SPTB: variants seen among roughly 807,000 people sequenced by gnomAD.
SPTB encodes the protein spectrin beta, erythrocytic, also known as spectrin beta chain, erythrocytic.
SPTB carries 45 observed loss-of-function variants against 256.2 expected under a neutral mutation model. That is an observed-to-expected ratio of 0.18 (90% CI 0.14 to 0.23). SPTB has a LOEUF of 0.23. SPTB is among the 10% of genes least tolerant of loss of function. The pLI is 1.00. For synonymous variants in SPTB, 1,231 were observed against 1,243.1 expected (o/e 0.99, Z 0.21); for missense variants, 2,715 against 3,040.4 (o/e 0.89, Z 2.52).
chr14:64,782,952 T>G (rs1262804909), intron 19 of SPTB, among the ~76,000 whole-genome samples: 1 of 151,664 alleles, frequency 6.6e-6, no homozygotes, highest in African/African-American at 2.4e-5. Context: ...CTGGGGGCAA[T>G]GACTCAGGGA....
Position 64,793,192 on chromosome 14 carries a change from T to G in SPTB, c.2471A>C (p.Gln824Pro). The G allele has an allele frequency of 1.2e-6, 2 of 1,613,230 alleles. No homozygotes were observed. Among genetic ancestry groups the G allele is most frequent in the East Asian group, 4.5e-5 (2 of 44,882 alleles). Residue 824 changes from glutamine to proline, a missense_variant, in exon 14 of 36, where the codon CAG (glutamine) becomes CCG (proline). Gln to Pro is a moderately conservative substitution (Grantham distance 76). Around this residue, in one of 4 missense-constraint regions of SPTB, gnomAD observed 2,239 missense variants for 2,384.4 expected, o/e 0.94. Transcript: ENST00000644917. The surrounding 1 kb of genome is among the most constrained non-coding windows in gnomAD (Gnocchi z 7.0). Reference sequence around the variant, plus strand: ...CTGTTGGTAGAGCTCCCGCAGGGCCTGCAGCCGATGGGTCACATCTGGGGA... The same window carrying G: ...CTGTTGGTAGAGCTCCCGCAGGGCCGGCAGCCGATGGGTCACATCTGGGGA... ...RDSPDVTHRL[Q>P]ALRELYQQVV...
In SPTB at chr14:64,827,105, G is replaced by A. The variant is rs1257679978; in HGVS notation, c.-51-3960C>T. On this transcript the variant is annotated intron_variant, in intron 1 of 35. Transcript: ENST00000644917. The surrounding 1 kb of genome is among the most constrained non-coding windows in gnomAD (Gnocchi z 4.6). Reference sequence around the variant, plus strand: ...GTTAAGAACTGAGAAAGCAGTGGTAGCAGCTCCTCTCCCAGCCTGCAGGGT... The same window carrying A: ...GTTAAGAACTGAGAAAGCAGTGGTAACAGCTCCTCTCCCAGCCTGCAGGGT... Among the ~76,000 whole-genome samples the A allele has an allele frequency of 6.6e-6, 1 of 152,158 alleles. No individual in the cohort carries two copies. Among genetic ancestry groups the A allele is most frequent in the Non-Finnish European group, 1.5e-5 (1 of 68,016 alleles).
chr14:64,845,397 C>T lies in SPTB; in HGVS notation c.-51-22252G>A, dbSNP rs562522568. ...GCTGTGTGGCACAAGTGGCTGTGTG[C>T]CTTTGGAAACTATAAGCCTATTTAC... On this transcript the variant is annotated intron_variant, in intron 1 of 35. Coordinates refer to ENST00000644917, the MANE Select transcript of SPTB (RefSeq NM_001355436.2). This position sits in a 1 kb window ranked among gnomAD's most constrained non-coding sequence, Gnocchi z 4.8. Among the ~76,000 whole-genome samples, 12 of 152,298 alleles carry T rather than the reference C, an allele frequency of 7.9e-5. No individual in the cohort carries two copies. In the South Asian group the frequency reaches 1.2e-3, roughly 16 times the overall value.
At chr14:64,878,688 G>A (rs1223474371) in intron 1 of SPTB, among the ~76,000 whole-genome samples, 1 of 152,070 alleles carries the variant, frequency 6.6e-6, no homozygotes, top group Non-Finnish European at 1.5e-5. Flanking sequence ...TCCAGGCAGG[G>A]GTTTTGCATG....
chr14:64,865,375 AT>A (rs1882110050), intron 1 of SPTB, among the ~76,000 whole-genome samples: 1 of 151,900 alleles, frequency 6.6e-6, no homozygotes, highest in African/African-American at 2.4e-5. Context: ...GCAGGGTGAG[AT>A]GTAAAGTGAC....
intron 2 of SPTB, among the ~76,000 whole-genome samples, chr14:64,809,996 G>GA (rs1196477472): frequency 2.6e-5 from 4 of 151,912 alleles, no homozygotes; most frequent in Non-Finnish European, 5.9e-5. Context: ...GAATTTGTGG[G>GA]AAAAAAGACA....
At chr14:64,794,357 T>C (rs1033507002) in intron 13 of SPTB, 110 bp downstream of exon 13, 70 of 1,428,786 alleles carry the variant, frequency 4.9e-5, no homozygotes, top group Non-Finnish European at 6.2e-5. Context: ...TTGATGAAAG[T>C]AACAGAACTT....
chr14:64,774,638 G>T (rs2082330497), intron 23 of SPTB, 111 bp from the exon 24 acceptor site: 1 of 1,471,082 alleles, frequency 6.8e-7, no homozygotes, highest in Non-Finnish European at 9.2e-7. Context: ...GAGTAGGCTT[G>T]TGGGACACCC....
chr14:64,784,499 G>T (rs1471919373), intron 18 of SPTB, 106 bp from the exon 19 acceptor site: 1 of 1,451,628 alleles, frequency 6.9e-7, no homozygotes. Context: ...TGGGGAGGAA[G>T]TGCAAGCACA....
chr14:64,795,425 G>A lies in SPTB; in HGVS notation c.1556C>T (p.Ser519Phe). 3 of 1,614,202 alleles carry A rather than the reference G, an allele frequency of 1.9e-6. No individual in the cohort carries two copies. Among genetic ancestry groups the A allele is most frequent in the Non-Finnish European group, 2.5e-6 (3 of 1,180,038 alleles). ...GGTGGTCTCGAGCCTCTGGCGCCGG[G>A]ACTGCAGCAGCTCCTGCAGGTAGCT... ...LWSYLQELLQ[S>F]RRQRLETTLA... The change falls in exon 12 of 36, where the codon TCC becomes TTC. Residue 519 changes from serine to phenylalanine, a missense_variant. Physicochemically the swap from Ser to Phe is radical, Grantham distance 155. This residue lies in a region of SPTB where 2,239 missense variants were observed against 2,384.4 expected (regional missense o/e 0.94). Coordinates refer to ENST00000644917, the MANE Select transcript of SPTB (RefSeq NM_001355436.2). The surrounding 1 kb of genome is among the most constrained non-coding windows in gnomAD (Gnocchi z 6.5).
intron 32 of SPTB, chr14:64,756,101 G>A (rs1282965074): frequency 1.3e-5 from 2 of 152,222 alleles, no homozygotes; most frequent in African/African-American, 4.8e-5. Context: ...AACCTAAATA[G>A]AGTGTGACCT....
chr14:64,790,171 G>A lies in SPTB; in HGVS notation c.2804+1548C>T, dbSNP rs984765439. On this transcript the variant is annotated intron_variant, in intron 15 of 35. Transcript: ENST00000644917. This position sits in a 1 kb window ranked among gnomAD's most constrained non-coding sequence, Gnocchi z 4.8. ...TTCCCCATCACTGGCTAGACTGGGTGACTTCTCAGGTTCCTTTCAACTCTC... is the reference window on the plus strand; with the variant it reads ...TTCCCCATCACTGGCTAGACTGGGTAACTTCTCAGGTTCCTTTCAACTCTC... Among the ~76,000 whole-genome samples, 1 of 152,142 alleles carries A rather than the reference G, an allele frequency of 6.6e-6. No individual in the cohort carries two copies. The highest frequency in any genetic ancestry group is 1.9e-4 in the East Asian group (1 of 5,190).
chr14:64,766,894 G>A, intron 31 of SPTB, 93 bp from the exon 32 acceptor site: 2 of 1,501,780 alleles, frequency 1.3e-6, no homozygotes, highest in East Asian at 2.3e-5. Flanking sequence ...CCCACAGGGA[G>A]GAGCACCAAA....
Position 64,793,119 on chromosome 14 carries a change from C to G in SPTB, c.2544G>C (p.Leu848=). 1 of 1,614,152 alleles carries G rather than the reference C, an allele frequency of 6.2e-7. No homozygotes were observed. The highest frequency in any genetic ancestry group is 8.5e-7 in the Non-Finnish European group (1 of 1,180,050). ...TCTCCCCGAACACCGTGTACAGGTC[C>G]AGGGCTTCCTGCAGCCTCTGCTGAC... The part of the protein sequence containing the change: ...DLRQQRLQEA[L]DLYTVFGETD... The change falls in exon 14 of 36, where the codon CTG becomes CTC. Residue 848 remains leucine (L), a synonymous_variant. Coordinates refer to ENST00000644917, the MANE Select transcript of SPTB (RefSeq NM_001355436.2). This position sits in a 1 kb window ranked among gnomAD's most constrained non-coding sequence, Gnocchi z 7.0.
chr14:64,879,741 T>G (rs894430648), intron 1 of SPTB, 51 bp downstream of exon 1: 1 of 152,636 alleles, frequency 6.6e-6, no homozygotes, highest in African/African-American at 2.4e-5. Context: ...CGTCCCAGCC[T>G]TGCGCACCCG....
chr14:64,876,718 C>T (rs988224101), intron 1 of SPTB, among the ~76,000 whole-genome samples: 12 of 152,168 alleles, frequency 7.9e-5, no homozygotes, highest in African/African-American at 2.9e-4. Context: ...CCTGAGACTG[C>T]CTTCTCTCCT....
intron 32 of SPTB, chr14:64,754,282 G>A (rs982424946): frequency 1.3e-5 from 3 of 235,166 alleles, no homozygotes; most frequent in African/African-American, 6.7e-5. Context: ...TTCAAATTGT[G>A]CCTAAAGCCC....
At position 64,792,944 on chromosome 14, in the gene SPTB, T is replaced by C; in HGVS notation, c.2666+53A>G. On this transcript the variant is annotated intron_variant, in intron 14 of 35. Transcript: ENST00000644917. The surrounding 1 kb of genome is among the most constrained non-coding windows in gnomAD (Gnocchi z 4.2). The stretch of plus-strand genomic sequence containing the variant: ...GACTATTACCAAACTAGGTGGGAGA[T>C]GGTGCCCAGGCCTGGGTACAGGGAC... 1.9e-6 allele frequency: 3 copies of C among 1,612,394 alleles called. No individual in the cohort carries two copies. In the South Asian group the frequency reaches 3.3e-5, roughly 18 times the overall value.
intron 33 of SPTB, chr14:64,752,260 C>T (rs1424809549): frequency 7.4e-7 from 1 of 1,345,982 alleles, no homozygotes; most frequent in East Asian, 4.6e-5. Context: ...TCTGTTTCCT[C>T]CTCCTCTTCA....
Sources: gnomAD v4.1 joint callset for allele counts (sites outside exome capture counted in the v4.1 genomes callset) on GRCh38, gnomAD v4.1.1 for gene constraint, gnomAD v4.1.1 regional missense constraint, Gnocchi (gnomAD v3.1) non-coding constraint, MANE v1.5 for transcripts, NCBI Gene and HGNC (gene_info 2026-07-23, HGNC 2026-07-21) for gene names.